Variants in MRPL21 observed in about 807,000 individuals in gnomAD.
MRPL21 encodes large ribosomal subunit protein bL21m.
A neutral mutation model predicts 27.3 loss-of-function variants in MRPL21; 20 were observed. The ratio of observed to expected loss-of-function variants is 0.73; its 90% CI spans 0.52 to 1.06. The LOEUF (loss-of-function observed/expected upper bound fraction) is 1.06. MRPL21 is among the 50% of genes least tolerant of loss of function. The pLI is 0.00. For missense variants in MRPL21, 249 were observed against 251.4 expected, an observed-to-expected ratio of 0.99 and a Z score of 0.06; for synonymous variants, 98 against 101.5, an observed-to-expected ratio of 0.97 and a Z score of 0.21.
intron 2 of MRPL21, among the ~76,000 whole-genome samples, chr11:68,900,052 A>G (rs1197958783): frequency 6.6e-6 from 1 of 152,218 alleles, no homozygotes; most frequent in Non-Finnish European, 1.5e-5. Flanking sequence ...AGTGAGTGGA[A>G]CTTTGTCGAA....
intron 4 of MRPL21, 186 bp downstream of exon 4, chr11:68,896,329 C>G: frequency 1.4e-6 from 1 of 696,978 alleles, no homozygotes; most frequent in Admixed American, 2.7e-5. Flanking sequence ...GCAGTGGAAG[C>G]CTGCCCTGCC....
chr11:68,902,218 A>C (rs548957971), intron 1 of MRPL21, among the ~76,000 whole-genome samples: 3 of 152,214 alleles, frequency 2.0e-5, no homozygotes, highest in African/African-American at 7.2e-5. Flanking sequence ...TTCTCTCCTA[A>C]TGCGTGAGTC....
chr11:68,896,364 C>T lies in MRPL21; in HGVS notation c.396+151G>A, dbSNP rs567459664. On this transcript the variant is annotated intron_variant, in intron 4 of 6. Coordinates refer to ENST00000362034, the MANE Select transcript of MRPL21 (RefSeq NM_181514.2). ...CCTTGGACCCCAGCCCCGCCGTGGG[C>T]GCCCCCCAAAGTCCCTTCTGAGCCT... 146 of 993,778 alleles carry T rather than the reference C, an allele frequency of 1.5e-4. No homozygotes were observed. The African/African-American group carries it at 1.6e-3, about 11-fold the overall frequency. The allele number at this position is 993,778 out of a possible 1,614,324, so 61.6% of individuals were successfully genotyped here. A position where few individuals can be genotyped will look rare whatever the true frequency, so the allele number is the denominator to read the frequency against.
chr11:68,893,294 A>C (rs1320819284), intron 5 of MRPL21, 109 bp downstream of exon 5: 2 of 1,561,976 alleles, frequency 1.3e-6, no homozygotes, highest in Non-Finnish European at 1.7e-6. Context: ...GTTTGGTGTC[A>C]ACAAAGAATA....
intron 4 of MRPL21, among the ~76,000 whole-genome samples, chr11:68,895,605 G>A (rs1025466489): frequency 6.6e-6 from 1 of 152,180 alleles, no homozygotes; most frequent in Non-Finnish European, 1.5e-5. Context: ...AGCCAAGACT[G>A]CGCCATTGCA....
At chr11:68,893,633 G>C (rs1857708222) in intron 4 of MRPL21, among the ~76,000 whole-genome samples, 178 bp from the exon 5 acceptor site, 2 of 152,230 alleles carry the variant, frequency 1.3e-5, no homozygotes, top group South Asian at 4.1e-4. Flanking sequence ...GCTGTGAGCT[G>C]ACAAGTGGCA....
chr11:68,903,215 T>G (rs1858012642), intron 1 of MRPL21, among the ~76,000 whole-genome samples: 1 of 152,224 alleles, frequency 6.6e-6, no homozygotes, highest in Non-Finnish European at 1.5e-5. Context: ...CCAACCATTT[T>G]CAAGCAGAGA....
At chr11:68,900,106 T>C (rs1314873056) in intron 2 of MRPL21, among the ~76,000 whole-genome samples, 1 of 152,224 alleles carries the variant, frequency 6.6e-6, no homozygotes, top group Non-Finnish European at 1.5e-5. Flanking sequence ...TTCTCAAGTA[T>C]AAAATTTTAA....
chr11:68,893,048 C>G, intron 5 of MRPL21, 55 bp from the exon 6 acceptor site: 3 of 1,477,990 alleles, frequency 2.0e-6, no homozygotes, highest in Non-Finnish European at 1.8e-6. Context: ...TTTCAAATGC[C>G]TTAGGTGAGA....
chr11:68,892,004 G>T, intron 6 of MRPL21: 4 of 1,025,866 alleles, frequency 3.9e-6, no homozygotes, highest in Non-Finnish European at 5.2e-6. Context: ...CTGCTGCTTT[G>T]GGGACAGTGC....
intron 3 of MRPL21, chr11:68,897,538 C>A (rs1857827092): frequency 4.7e-6 from 1 of 213,704 alleles, no homozygotes; most frequent in Admixed American, 5.3e-5. Flanking sequence ...CTGACACGGG[C>A]TCCAGGTCGA....
intron 2 of MRPL21, among the ~76,000 whole-genome samples, chr11:68,898,696 C>T (rs1249170082): frequency 6.6e-6 from 1 of 152,210 alleles, no homozygotes; most frequent in African/African-American, 2.4e-5. Context: ...CAGTGAGGGT[C>T]GGGTGTTAGG....
rs594831 is a variant in MRPL21, at chr11:68,897,160, G to A, written c.233-482C>T. ...AACCCCATATCCCACCCCTGGGGCA[G>A]GACGCGTTCCCCCTGCACGCCTGTG... On this transcript the variant is annotated intron_variant, in intron 3 of 6. Coordinates refer to ENST00000362034, the MANE Select transcript of MRPL21 (RefSeq NM_181514.2). Among the ~76,000 whole-genome samples the A allele has an allele frequency of 9.9e-3, 1,503 of 152,258 alleles. 29 individuals carry two copies. Among genetic ancestry groups the A allele is most frequent in the African/African-American group, 0.034 (1,426 of 41,546 alleles).
At chr11:68,892,652 C>A (rs1611798) in intron 6 of MRPL21, 14 of 916,578 alleles carry the variant, frequency 1.5e-5, no homozygotes, top group East Asian at 1.1e-4. Flanking sequence ...ACGTGCGGAG[C>A]GTGGAGGAGA....
intron 6 of MRPL21, chr11:68,891,926 A>T: frequency 1.8e-6 from 1 of 551,684 alleles, no homozygotes. Flanking sequence ...ATCCCTCAGG[A>T]TGCCCACTAT....
intron 4 of MRPL21, among the ~76,000 whole-genome samples, chr11:68,893,982 C>T (rs1013977138): frequency 2.6e-5 from 4 of 151,998 alleles, no homozygotes; most frequent in African/African-American, 7.2e-5. Flanking sequence ...GCTGAGATTG[C>T]ACCACTGCAC....
chr11:68,893,955 T>A (rs1357105563), intron 4 of MRPL21, among the ~76,000 whole-genome samples: 2 of 151,974 alleles, frequency 1.3e-5, no homozygotes, highest in African/African-American at 4.8e-5. Flanking sequence ...GCACCTGTAG[T>A]CCCAGCTACT....
Position 68,896,545 on chromosome 11 carries a change from A to G in MRPL21, c.366T>C (p.Leu122=). Residue 122 remains leucine, a synonymous_variant, in exon 4 of 7, where the codon CTT becomes CTC. Transcript: ENST00000362034. ...CCAGTCGAATTCTCTCTCCACACGC[A>G]AGGTCTAGTTCATTTCCAATTAAGA... ...DLILIGNELD[L]ACGERIRLEK... is the part of the protein sequence containing the mutation. 2 of 1,614,160 alleles carry G rather than the reference A, an allele frequency of 1.2e-6. No individual in the cohort carries two copies. The highest frequency in any genetic ancestry group is 4.5e-5 in the East Asian group (2 of 44,886).
chr11:68,891,796 G>A (rs976099633), intron 6 of MRPL21: 2 of 464,662 alleles, frequency 4.3e-6, no homozygotes, highest in Non-Finnish European at 7.6e-6. Flanking sequence ...CCAGTATTCT[G>A]GGTATATTTA....
Sources: allele counts gnomAD v4.1 joint callset (sites outside exome capture counted in the v4.1 genomes callset), GRCh38; gene constraint gnomAD v4.1.1; transcripts MANE v1.5; gene names NCBI Gene and HGNC (gene_info 2026-07-23, HGNC 2026-07-21).